Variants in AGBL1 observed in about 807,000 individuals in gnomAD.
The protein encoded by AGBL1 is AGBL carboxypeptidase 1, also known as cytosolic carboxypeptidase 4.
Under a neutral mutation model 118.9 loss-of-function variants are expected in AGBL1, and 130 were observed. That is an observed-to-expected ratio of 1.09 (90% CI 0.95 to 1.26). The LOEUF is 1.26. Among genes scored for constraint, AGBL1 ranks in the 50% most tolerant of loss-of-function variants. The probability of loss-of-function intolerance (pLI) is 0.00; values close to 1 mark genes in which losing one functional copy is unlikely to be tolerated. For missense variants in AGBL1, 1,584 were observed against 1,298.1 expected (o/e 1.22, Z -3.38); for synonymous variants, 555 against 478.9 (o/e 1.16, Z -2.08).
At chr15:86,495,535 C>T (rs2082839497) in intron 18 of AGBL1, among the ~76,000 whole-genome samples, 1 of 151,474 alleles carries the variant, frequency 6.6e-6, no homozygotes, top group Admixed American at 6.6e-5. Context: ...TTTCTTTAAC[C>T]CATAAATTGA....
intron 17 of AGBL1, among the ~76,000 whole-genome samples, chr15:86,348,874 G>A (rs781660873): frequency 7.2e-5 from 11 of 151,774 alleles, no homozygotes; most frequent in Non-Finnish European, 1.3e-4. Context: ...CCAAATTCAT[G>A]TCCATTCAGA....
intron 20 of AGBL1, among the ~76,000 whole-genome samples, chr15:86,547,866 G>A (rs2083606770): frequency 6.6e-6 from 1 of 152,230 alleles, no homozygotes; most frequent in South Asian, 2.1e-4. Flanking sequence ...TGATTCATGG[G>A]CTACTATGAC....
Position 86,371,466 on chromosome 15 carries a change from A to G in AGBL1, c.2375-25900A>G, listed in dbSNP as rs1365157995. 3.3e-5 allele frequency among the ~76,000 whole-genome samples: 5 copies of G among 152,116 alleles called. 1 individual carries two copies. Among genetic ancestry groups the G allele is most frequent in the Admixed American group, 2.6e-4 (4 of 15,274 alleles). Reference sequence around the variant, plus strand: ...CCTCTGCATGTACTTCATATATATCATATGTTTTTATTATATATAGTTATA... The same window carrying G: ...CCTCTGCATGTACTTCATATATATCGTATGTTTTTATTATATATAGTTATA... On this transcript the variant is annotated intron_variant, in intron 17 of 22. Coordinates refer to ENST00000614907, the MANE Select transcript of AGBL1 (RefSeq NM_001386094.1).
chr15:86,435,421 A>T (rs533687151), intron 18 of AGBL1, among the ~76,000 whole-genome samples: 3 of 152,314 alleles, frequency 2.0e-5, no homozygotes, highest in Admixed American at 6.5e-5. Context: ...GATGAGAGTC[A>T]ATAGTTTCAC....
At chr15:86,475,386 G>C (rs1294145822) in intron 18 of AGBL1, among the ~76,000 whole-genome samples, 1 of 152,178 alleles carries the variant, frequency 6.6e-6, no homozygotes, top group East Asian at 1.9e-4. Context: ...TAAATGACCT[G>C]ATGGAGCTGA....
At chr15:86,220,087 G>T (rs1430776202) in intron 5 of AGBL1, among the ~76,000 whole-genome samples, 1 of 151,584 alleles carries the variant, frequency 6.6e-6, no homozygotes, top group African/African-American at 2.4e-5. Flanking sequence ...AAGTAACTGG[G>T]ATTACAGGGG....
intron 22 of AGBL1, among the ~76,000 whole-genome samples, chr15:86,776,400 T>C (rs747869349): frequency 6.6e-6 from 1 of 152,110 alleles, no homozygotes; most frequent in Non-Finnish European, 1.5e-5. Context: ...ATTTTCTGAT[T>C]AGTGAGGTTG....
intron 22 of AGBL1, among the ~76,000 whole-genome samples, chr15:86,885,374 CT>C (rs1480553063): frequency 6.6e-6 from 1 of 152,154 alleles, no homozygotes; most frequent in African/African-American, 2.4e-5. Flanking sequence ...GCTCACACAT[CT>C]TGTGAAAAGA....
intron 24 of AGBL1, among the ~76,000 whole-genome samples, chr15:86,994,005 C>T (rs1052560548): frequency 1.3e-5 from 2 of 152,048 alleles, no homozygotes; most frequent in Non-Finnish European, 2.9e-5. Context: ...CGTTTTCATT[C>T]GACGTCACAA....
At chr15:86,813,421 T>C (rs2078818939) in intron 22 of AGBL1, among the ~76,000 whole-genome samples, 1 of 152,190 alleles carries the variant, frequency 6.6e-6, no homozygotes, top group Admixed American at 6.5e-5. Context: ...TGACAAAAAG[T>C]GCCTCTATCA....
intron 22 of AGBL1, among the ~76,000 whole-genome samples, chr15:86,893,232 T>C (rs189796394): frequency 1.1e-3 from 174 of 152,168 alleles, no homozygotes; most frequent in African/African-American, 4.1e-3. Context: ...TGAATCTGAG[T>C]GTCTGGAATT....
At chr15:86,997,371 T>C (rs779358667) in intron 24 of AGBL1, among the ~76,000 whole-genome samples, 1 of 152,092 alleles carries the variant, frequency 6.6e-6, no homozygotes, top group Admixed American at 6.6e-5. Flanking sequence ...TTTCCATCTC[T>C]CTCCCTGAAG....
At chr15:86,283,001 T>G (rs538641962) in intron 16 of AGBL1, among the ~76,000 whole-genome samples, 5 of 152,352 alleles carry the variant, frequency 3.3e-5, no homozygotes, top group Admixed American at 6.5e-5. Context: ...TATTTGGTTC[T>G]TTCAAATGGA....
At chr15:86,146,273 C>T (rs2077032596) in intron 3 of AGBL1, among the ~76,000 whole-genome samples, 1 of 152,114 alleles carries the variant, frequency 6.6e-6, no homozygotes, top group Non-Finnish European at 1.5e-5. Context: ...AAACTTTTTT[C>T]TTGTCATTAT....
At chr15:86,149,005 G>C (rs1291126471) in intron 3 of AGBL1, among the ~76,000 whole-genome samples, 1 of 152,140 alleles carries the variant, frequency 6.6e-6, no homozygotes, top group Non-Finnish European at 1.5e-5. Flanking sequence ...TTTCAACCCA[G>C]AATTTCATAC....
At chr15:86,669,593 T>G (rs1423341211) in intron 21 of AGBL1, among the ~76,000 whole-genome samples, 1 of 152,164 alleles carries the variant, frequency 6.6e-6, no homozygotes, top group Non-Finnish European at 1.5e-5. Context: ...TGAAAATAAA[T>G]TTAAATCTAC....
At chr15:86,141,717 C>G (rs757290833) in intron 1 of AGBL1, among the ~76,000 whole-genome samples, 1 of 152,130 alleles carries the variant, frequency 6.6e-6, no homozygotes, top group South Asian at 2.1e-4. Context: ...CCCACAAAGC[C>G]CCTTTTACTT....
intron 22 of AGBL1, among the ~76,000 whole-genome samples, chr15:86,676,400 C>T (rs927292163): frequency 6.6e-5 from 10 of 151,992 alleles, no homozygotes; most frequent in African/African-American, 2.4e-4. Flanking sequence ...TTTCTTGACC[C>T]CAAAAATGTT....
chr15:86,123,663 C>A, intron 1 of AGBL1, among the ~76,000 whole-genome samples: 1 of 152,224 alleles, frequency 6.6e-6, no homozygotes, highest in South Asian at 2.1e-4. Flanking sequence ...GAAGCCCCTG[C>A]TTCTAGTTGT....
Sources: gnomAD v4.1 joint callset for allele counts (sites outside exome capture counted in the v4.1 genomes callset) on GRCh38, gnomAD v4.1.1 for gene constraint, MANE v1.5 for transcripts, NCBI Gene and HGNC (gene_info 2026-07-23, HGNC 2026-07-21) for gene names.